Variants in DMXL2 observed in about 807,000 individuals in gnomAD.
DMXL2 encodes the protein dmX-like protein 2.
DMXL2 carries 103 observed loss-of-function variants against 331.1 expected under a neutral mutation model. The ratio of observed to expected loss-of-function variants is 0.31; its 90% CI spans 0.27 to 0.37. The LOEUF (loss-of-function observed/expected upper bound fraction) is 0.37. Ranked by LOEUF, DMXL2 falls within the 10% of genes least tolerant of loss-of-function variation. The probability of loss-of-function intolerance (pLI) is 1.00; values close to 1 mark genes in which losing one functional copy is unlikely to be tolerated. For synonymous variants in DMXL2, 1,281 were observed against 1,252.1 expected, an observed-to-expected ratio of 1.02 and a Z score of -0.49; for missense variants, 3,171 against 3,642.9, an observed-to-expected ratio of 0.87 and a Z score of 3.33.
chr15:51,511,843 T>C (rs1474746979), intron 15 of DMXL2, among the ~76,000 whole-genome samples: 2 of 152,176 alleles, frequency 1.3e-5, no homozygotes, highest in Admixed American at 1.3e-4. Context: ...ATATACACCA[T>C]GGAATACTAT....
chr15:51,587,095 G>C lies in DMXL2; in HGVS notation c.88-10914C>G, dbSNP rs532906324. ...ATTTATTCTCAAAAGCTTGGAGTAT[G>C]TAACAATTTGCTTCATAACAAATAA... is the stretch of plus-strand genomic sequence containing the variant. On this transcript the variant is annotated intron_variant, in intron 1 of 43. Coordinates refer to ENST00000560891, the MANE Select transcript of DMXL2 (RefSeq NM_001378457.1). Among the ~76,000 whole-genome samples the C allele has an allele frequency of 2.0e-5, 3 of 152,146 alleles. No individual in the cohort carries two copies. The East Asian group carries it at 5.8e-4, about 29-fold the overall frequency.
At chr15:51,550,756 A>C (rs1434603920) in intron 6 of DMXL2, among the ~76,000 whole-genome samples, 1 of 152,166 alleles carries the variant, frequency 6.6e-6, no homozygotes, top group Non-Finnish European at 1.5e-5. Context: ...CGAACCAGAG[A>C]AAACCAATTC....
At chr15:51,470,391 A>G (rs1300559599) in intron 29 of DMXL2, among the ~76,000 whole-genome samples, 1 of 152,102 alleles carries the variant, frequency 6.6e-6, no homozygotes, top group Non-Finnish European at 1.5e-5. Context: ...TCAACCTCCC[A>G]AAGTGCTGAG....
At chr15:51,582,166 T>C (rs959184010) in intron 1 of DMXL2, among the ~76,000 whole-genome samples, 7 of 152,176 alleles carry the variant, frequency 4.6e-5, no homozygotes, top group Admixed American at 1.3e-4. Flanking sequence ...ATATTCCTAA[T>C]CTTTCTTTCA....
chr15:51,476,899 C>T (rs553705078), intron 26 of DMXL2, among the ~76,000 whole-genome samples, 180 bp from the exon 27 acceptor site: 1 of 152,116 alleles, frequency 6.6e-6, no homozygotes, highest in South Asian at 2.1e-4. Flanking sequence ...CTTATTGTTT[C>T]TTTTAAACAA....
At chr15:51,472,216 T>TTTATCTCAACTC (rs1447963224) in intron 28 of DMXL2, among the ~76,000 whole-genome samples, 1 of 151,926 alleles carries the variant, frequency 6.6e-6, no homozygotes, top group Non-Finnish European at 1.5e-5. Context: ...AGAAAATAAT[T>TTTATCTCAACTC]TTATCTCAAC....
intron 1 of DMXL2, among the ~76,000 whole-genome samples, chr15:51,579,767 T>G (rs1169902915): frequency 6.6e-6 from 1 of 152,196 alleles, no homozygotes; most frequent in Non-Finnish European, 1.5e-5. Flanking sequence ...ATTTTCCAGC[T>G]AACAGTATCA....
intron 3 of DMXL2, among the ~76,000 whole-genome samples, chr15:51,566,233 GTGTGTGTGTGT>G (rs1567126642): frequency 9.7e-3 from 141 of 14,594 alleles, no homozygotes; most frequent in East Asian, 0.036. Context: ...TGTGTGTGGG[GTGTGTGTGTGT>G]GTGTGTGTGT....
intron 18 of DMXL2, 107 bp downstream of exon 18, chr15:51,498,445 G>A (rs1482736877): frequency 1.7e-6 from 2 of 1,164,326 alleles, no homozygotes; most frequent in Non-Finnish European, 2.4e-6. Context: ...TCTTTTCCCT[G>A]CAAAGTTTGA....
intron 43 of DMXL2, 66 bp from the exon 44 acceptor site, chr15:51,449,259 C>G: frequency 6.5e-7 from 1 of 1,531,780 alleles, no homozygotes; most frequent in South Asian, 1.1e-5. Flanking sequence ...CATGGCCCTT[C>G]TGCTCCCTTG....
At chr15:51,603,798 G>A (rs1382418963) in intron 1 of DMXL2, 1 of 152,086 alleles carries the variant, frequency 6.6e-6, no homozygotes, top group Non-Finnish European at 1.5e-5. Flanking sequence ...AACCCGGGAG[G>A]CGGAGCTTGC....
intron 17 of DMXL2, among the ~76,000 whole-genome samples, chr15:51,500,498 AC>A (rs1015301213): frequency 4.6e-5 from 7 of 152,250 alleles, no homozygotes; most frequent in African/African-American, 1.4e-4. Flanking sequence ...AAATGAGGCA[AC>A]CATTTAATTA....
intron 15 of DMXL2, among the ~76,000 whole-genome samples, chr15:51,512,749 G>C (rs1435492332): frequency 6.6e-6 from 1 of 151,652 alleles, no homozygotes; most frequent in Non-Finnish European, 1.5e-5. Flanking sequence ...CTGGGAGGTG[G>C]AGGTTACAGT....
rs754352996 is a variant in DMXL2 at position 51,547,419 on chromosome 15, C to T, written c.568-11G>A. 13 of 1,557,704 alleles carry T rather than the reference C, an allele frequency of 8.3e-6. No homozygotes were observed. Among genetic ancestry groups the T allele is most frequent in the South Asian group, 4.9e-5 (4 of 81,730 alleles). ...CAAAAGACAATCATCCTGAAAAATACATAGGTCAATATAAAATTAATTTGT... is the reference window on the plus strand; with the variant it reads ...CAAAAGACAATCATCCTGAAAAATATATAGGTCAATATAAAATTAATTTGT... On this transcript the variant is annotated splice_polypyrimidine_tract_variant and intron_variant, in intron 6 of 43. Transcript: ENST00000560891.
At chr15:51,591,634 A>G (rs912871491) in intron 1 of DMXL2, among the ~76,000 whole-genome samples, 1 of 152,200 alleles carries the variant, frequency 6.6e-6, no homozygotes, top group African/African-American at 2.4e-5. Context: ...CTGCCTCCTC[A>G]AGTGGGTCCC....
Position 51,537,498 on chromosome 15 carries a change from C to A in DMXL2, c.1607G>T (p.Arg536Ile). Reference protein sequence around the residue: ...YLDEYNPGIFRQVQVSFSSRI... With the variant: ...YLDEYNPGIFIQVQVSFSSRI... ...ATCAATAAAATATACCTGAACTTGT[C>A]TAAATATTCCAGGATTATATTCATC... Residue 536 changes from arginine to isoleucine, a missense_variant, in exon 11 of 44, where the codon AGA becomes ATA. Transcript: ENST00000560891. 2 of 1,609,822 alleles carry A rather than the reference C, an allele frequency of 1.2e-6. No homozygotes were observed. Among genetic ancestry groups the A allele is most frequent in the South Asian group, 1.1e-5 (1 of 90,620 alleles).
chr15:51,522,320 A>C (rs1284323787), intron 13 of DMXL2, among the ~76,000 whole-genome samples: 2 of 152,172 alleles, frequency 1.3e-5, no homozygotes, highest in African/African-American at 4.8e-5. Context: ...ACTGGTACCT[A>C]ATGTGGAACA....
intron 16 of DMXL2, among the ~76,000 whole-genome samples, chr15:51,506,013 T>G (rs750621391): frequency 6.6e-6 from 1 of 152,238 alleles, no homozygotes; most frequent in Non-Finnish European, 1.5e-5. Flanking sequence ...TAGAGATTAA[T>G]CTAAATGTGT....
intron 3 of DMXL2, chr15:51,568,153 T>C (rs989035080): frequency 1.4e-5 from 3 of 217,500 alleles, no homozygotes; most frequent in African/African-American, 4.7e-5. Flanking sequence ...ATCTCCTCTG[T>C]TGAGAACAGA....
Sources: allele counts gnomAD v4.1 joint callset (sites outside exome capture counted in the v4.1 genomes callset), GRCh38; gene constraint gnomAD v4.1.1; transcripts MANE v1.5; gene names NCBI Gene and HGNC (gene_info 2026-07-23, HGNC 2026-07-21).